Variants in MORC2 observed in about 807,000 individuals in gnomAD.
MORC2 encodes ATPase MORC2.
Under a neutral mutation model 136.0 loss-of-function variants are expected in MORC2, and 30 were observed. The observed-to-expected ratio is 0.22, with a 90% confidence interval of 0.17 to 0.30. The LOEUF (loss-of-function observed/expected upper bound fraction) is 0.30, where lower values mean the gene tolerates loss of function less well. Ranked by LOEUF, MORC2 falls within the 10% of genes least tolerant of loss-of-function variation. The probability of loss-of-function intolerance (pLI) is 1.00; values close to 1 mark genes in which losing one functional copy is unlikely to be tolerated. For synonymous variants in MORC2, 439 were observed against 487.0 expected (o/e 0.90, Z 1.30); for missense variants, 922 against 1,333.1 (o/e 0.69, Z 4.80).
At chr22:30,964,698 G>A (rs2041098970) in intron 1 of MORC2, among the ~76,000 whole-genome samples, 1 of 152,154 alleles carries the variant, frequency 6.6e-6, no homozygotes, top group Admixed American at 6.5e-5. Flanking sequence ...GTTATCACGA[G>A]AATTTATTTC....
At position 30,932,698 on chromosome 22, in the gene MORC2, T is replaced by C. The variant is rs1480181047; in HGVS notation, c.2594A>G (p.Gln865Arg). ...PSPEHQSLDTQQEGGEEEVGP... is the reference protein window; with the variant it reads ...PSPEHQSLDTRQEGGEEEVGP... ...CACCTCCTCCTCCCCGCCCTCCTGT[T>C]GTGTATCAAGGCTCTGATGTTCCGG... The change falls in exon 23 of 26, where the codon CAA (glutamine) becomes CGA (arginine). Residue 865 changes from glutamine (Q) to arginine (R), a missense_variant. Transcript: ENST00000397641. The surrounding 1 kb of genome is among the most constrained non-coding windows in gnomAD (Gnocchi z 4.4). The C allele has an allele frequency of 6.2e-7, 1 of 1,614,174 alleles. No homozygotes were observed. Among genetic ancestry groups the C allele is most frequent in the African/African-American group, 1.3e-5 (1 of 75,046 alleles).
At chr22:30,936,237 T>G (rs1303039327) in intron 17 of MORC2, among the ~76,000 whole-genome samples, 1 of 152,202 alleles carries the variant, frequency 6.6e-6, no homozygotes, top group Non-Finnish European at 1.5e-5. Context: ...AGAATTTTTA[T>G]TTTCTAGAGT....
chr22:30,967,678 A>C (rs1218594355), intron 1 of MORC2, 144 bp downstream of exon 1: 2 of 1,461,468 alleles, frequency 1.4e-6, no homozygotes, highest in Non-Finnish European at 1.8e-6. Flanking sequence ...TTCAATACAG[A>C]GCTCAAGATA....
In MORC2 at chr22:30,933,033, G is replaced by A. The variant is rs1309634022; in HGVS notation, c.2381-3C>T. On this transcript the variant is annotated splice_polypyrimidine_tract_variant and splice_region_variant and intron_variant, in intron 21 of 25. Coordinates refer to ENST00000397641, the MANE Select transcript of MORC2 (RefSeq NM_001303256.3). ...CACCTCCACGTGCAGCCCTTTATCT[G>A]ACAATGTAGACAGAGGTGCGAGTCA... The A allele has an allele frequency of 1.2e-6, 2 of 1,613,616 alleles. No individual in the cohort carries two copies. Among genetic ancestry groups the A allele is most frequent in the African/African-American group, 1.3e-5 (1 of 74,920 alleles).
At chr22:30,933,827 T>C (rs747487440) in intron 20 of MORC2, among the ~76,000 whole-genome samples, 4 of 152,220 alleles carry the variant, frequency 2.6e-5, no homozygotes, top group South Asian at 4.1e-4. Flanking sequence ...CCTGGCACCA[T>C]GTTTAGTCAC....
At chr22:30,965,377 C>T (rs2041113271) in intron 1 of MORC2, among the ~76,000 whole-genome samples, 1 of 152,304 alleles carries the variant, frequency 6.6e-6, no homozygotes, top group Non-Finnish European at 1.5e-5. Context: ...TTATGAGCTA[C>T]AAGTCACATC....
At chr22:30,959,087 TA>T (rs752195797) in intron 1 of MORC2, among the ~76,000 whole-genome samples, 4 of 152,258 alleles carry the variant, frequency 2.6e-5, no homozygotes, top group Non-Finnish European at 5.9e-5. Context: ...ATTTTAAGGA[TA>T]TATCTTATGC....
At position 30,935,313 on chromosome 22, in the gene MORC2, G is replaced by A; in HGVS notation, c.1747C>T (p.Pro583Ser). 1 of 1,613,706 alleles carries A rather than the reference G, an allele frequency of 6.2e-7. No individual in the cohort carries two copies. Among genetic ancestry groups the A allele is most frequent in the East Asian group, 2.2e-5 (1 of 44,872 alleles). The change falls in exon 18 of 26, where the codon CCC becomes TCC. Residue 583 changes from proline (P) to serine (S), a missense_variant. Pro to Ser is a moderately conservative substitution (Grantham distance 74). Around this residue, in one of 9 missense-constraint regions of MORC2, gnomAD observed 119 missense variants for 202.7 expected, o/e 0.59. Transcript: ENST00000397641. ...TTCAGGTCTGCTTGGGAGCGGATGG[G>A]TGTGGTTTTCTGCAAGGCAAACATC... ...EKLEALQKTT[P>S]IRSQADLKKL...
chr22:30,967,991 C>A lies in MORC2; in HGVS notation c.-102G>T. ...TCTGTCCAGTAAAGCTTCAGTAAGTCTGTGCTCCTTAATGACAGTTAAAGT... is the reference window on the plus strand; with the variant it reads ...TCTGTCCAGTAAAGCTTCAGTAAGTATGTGCTCCTTAATGACAGTTAAAGT... On this transcript the variant is annotated 5_prime_UTR_variant, in exon 1 of 26. Coordinates refer to ENST00000397641, the MANE Select transcript of MORC2 (RefSeq NM_001303256.3). The A allele has an allele frequency of 1.9e-6, 2 of 1,035,866 alleles. No homozygotes were observed. The highest frequency in any genetic ancestry group is 1.5e-6 in the Non-Finnish European group (1 of 683,788). 64.2% of individuals were successfully genotyped at this position (1,035,866 alleles called of 1,614,324 possible).
chr22:30,961,479 T>A (rs1034583175), intron 1 of MORC2, among the ~76,000 whole-genome samples: 1 of 152,234 alleles, frequency 6.6e-6, no homozygotes, highest in East Asian at 1.9e-4. Context: ...GAATTCATTT[T>A]ATATACCCTA....
chr22:30,959,900 C>G (rs955804688), intron 1 of MORC2, among the ~76,000 whole-genome samples: 3 of 152,246 alleles, frequency 2.0e-5, no homozygotes, highest in Admixed American at 6.5e-5. Flanking sequence ...ATATCCATAA[C>G]TAAACTCTCC....
In MORC2 at chr22:30,943,324, A is replaced by G. The variant is rs568512834; in HGVS notation, c.427-1053T>C. On this transcript the variant is annotated intron_variant, in intron 6 of 25. Transcript: ENST00000397641. ...AGGCAGTTCCTTCGGGGGCACAAGA[A>G]GAAATATGACTGATGAGGGCACACA... Among the ~76,000 whole-genome samples, 107 of 152,386 alleles carry G rather than the reference A, an allele frequency of 7.0e-4. 1 individual carries two copies. The highest frequency in any genetic ancestry group is 2.5e-3 in the African/African-American group (105 of 41,594).
At chr22:30,943,925 G>A (rs545727436) in intron 6 of MORC2, among the ~76,000 whole-genome samples, 1 of 152,168 alleles carries the variant, frequency 6.6e-6, no homozygotes, top group South Asian at 2.1e-4. Context: ...ACACTGCCAT[G>A]CCCAGCTAAT....
At chr22:30,938,534 A>G (rs901850554) in intron 12 of MORC2, among the ~76,000 whole-genome samples, 1 of 152,204 alleles carries the variant, frequency 6.6e-6, no homozygotes, top group Non-Finnish European at 1.5e-5. Flanking sequence ...GGTTATCGTC[A>G]TACCTTCCCC....
At position 30,941,944 on chromosome 22, in the gene MORC2, G is replaced by A. The variant is rs1569195159; in HGVS notation, c.645C>T (p.Asp215=). ...KLMDNGEPEL[D]IISNPRDIQM... ...GGATATCTCTTGGATTTGAGATTAT[G>A]TCTAGTTCTGGCTCTCCATTATCCA... The change falls in exon 8 of 26, where the codon GAC becomes GAT. Residue 215 remains aspartate, a synonymous_variant. Transcript: ENST00000397641. The surrounding 1 kb of genome is among the most constrained non-coding windows in gnomAD (Gnocchi z 4.6). 6.2e-7 allele frequency: 1 copy of A among 1,613,954 alleles called. No individual in the cohort carries two copies. The highest frequency in any genetic ancestry group is 8.5e-7 in the Non-Finnish European group (1 of 1,179,824).
At chr22:30,950,665 C>A (rs1265728752) in intron 3 of MORC2, among the ~76,000 whole-genome samples, 2 of 152,170 alleles carry the variant, frequency 1.3e-5, no homozygotes, top group African/African-American at 2.4e-5. Flanking sequence ...CTTGGGAGAA[C>A]CTTTGAAGGC....
In MORC2 at chr22:30,933,456, C is replaced by T. The variant is rs762132412; in HGVS notation, c.2380+10G>A. 1 of 1,613,624 alleles carries T rather than the reference C, an allele frequency of 6.2e-7. No homozygotes were observed. Among genetic ancestry groups the T allele is most frequent in the Admixed American group, 1.7e-5 (1 of 59,984 alleles). ...CCGCCACAGGCTGCCAAGTCACTCC[C>T]CCAGCTCACCTTTCTGAGCTCTCTT... On this transcript the variant is annotated intron_variant, in intron 21 of 25. Coordinates refer to ENST00000397641, the MANE Select transcript of MORC2 (RefSeq NM_001303256.3).
chr22:30,933,541 T>C (rs773577381), intron 20 of MORC2, 21 bp from the exon 21 acceptor site: 19 of 1,612,688 alleles, frequency 1.2e-5, no homozygotes, highest in Non-Finnish European at 1.5e-5. Context: ...AGCAGTCTAT[T>C]AGAGGCATCC....
chr22:30,942,289 G>C lies in MORC2; in HGVS notation c.427-18C>G. On this transcript the variant is annotated intron_variant, in intron 6 of 25. Transcript: ENST00000397641. Reference sequence around the variant, plus strand: ...ACTATCACCTGTGGAGTAAACATGAGCAGGCACTTTAAGGGAAGCCCCAGA... The same window carrying C: ...ACTATCACCTGTGGAGTAAACATGACCAGGCACTTTAAGGGAAGCCCCAGA... 6.3e-7 allele frequency: 1 copy of C among 1,599,500 alleles called. No homozygotes were observed. The highest frequency in any genetic ancestry group is 8.5e-7 in the Non-Finnish European group (1 of 1,175,100).
Sources: gnomAD v4.1 joint callset for allele counts (sites outside exome capture counted in the v4.1 genomes callset) on GRCh38, gnomAD v4.1.1 for gene constraint, gnomAD v4.1.1 regional missense constraint, Gnocchi (gnomAD v3.1) non-coding constraint, MANE v1.5 for transcripts, NCBI Gene and HGNC (gene_info 2026-07-23, HGNC 2026-07-21) for gene names.